Variants in TTC28 observed in about 807,000 individuals in gnomAD.
The protein encoded by TTC28 is tetratricopeptide repeat protein 28.
In TTC28, 61 loss-of-function variants were observed where a neutral mutation model predicts 198.0. That is an observed-to-expected ratio of 0.31 (90% CI 0.25 to 0.38). TTC28 has a LOEUF of 0.38. TTC28 is among the 10% of genes least tolerant of loss of function. The pLI, the probability that TTC28 is intolerant of heterozygous loss-of-function variation, is 1.00. For synonymous variants in TTC28, 1,171 were observed against 1,297.8 expected (o/e 0.90, Z 2.10); for missense variants, 2,678 against 3,164.0 (o/e 0.85, Z 3.69).
intron 2 of TTC28, among the ~76,000 whole-genome samples, chr22:28,348,399 G>A (rs2045943101): frequency 6.6e-6 from 1 of 152,292 alleles, no homozygotes; most frequent in South Asian, 2.1e-4. Context: ...GCCTACCTAG[G>A]ACGCCTCCAG....
At chr22:28,260,256 T>C (rs1412507449) in intron 5 of TTC28, among the ~76,000 whole-genome samples, 1 of 152,176 alleles carries the variant, frequency 6.6e-6, no homozygotes, top group Non-Finnish European at 1.5e-5. Context: ...TGTAATTTTG[T>C]ACTATAACAT....
chr22:28,064,177 A>T (rs1940662175), intron 12 of TTC28, among the ~76,000 whole-genome samples: 1 of 152,168 alleles, frequency 6.6e-6, no homozygotes, highest in South Asian at 2.1e-4. Context: ...TGAAATACTG[A>T]TGGTCATGTT....
chr22:28,549,584 A>C (rs772630693), intron 2 of TTC28, among the ~76,000 whole-genome samples: 2 of 152,244 alleles, frequency 1.3e-5, no homozygotes, highest in Non-Finnish European at 2.9e-5. Flanking sequence ...GTCTATCTTA[A>C]TTCTTTGGTA....
intron 2 of TTC28, among the ~76,000 whole-genome samples, chr22:28,586,951 G>C (rs1035217121): frequency 1.3e-5 from 2 of 152,160 alleles, no homozygotes; most frequent in Non-Finnish European, 2.9e-5. Context: ...TGGCAGGGTG[G>C]TAGCTCACGT....
intron 2 of TTC28, among the ~76,000 whole-genome samples, chr22:28,542,127 C>T (rs531638850): frequency 6.6e-6 from 1 of 151,938 alleles, no homozygotes; most frequent in South Asian, 2.1e-4. Context: ...GCTAGGATTA[C>T]AAGCATAAGC....
At chr22:28,320,006 T>G (rs996941386) in intron 2 of TTC28, among the ~76,000 whole-genome samples, 2 of 152,134 alleles carry the variant, frequency 1.3e-5, no homozygotes, top group Non-Finnish European at 2.9e-5. Flanking sequence ...TTTTCAACAG[T>G]TGGTGAGAAT....
intron 5 of TTC28, among the ~76,000 whole-genome samples, chr22:28,238,016 G>C (rs1179441443): frequency 6.6e-6 from 1 of 152,100 alleles, no homozygotes; most frequent in Non-Finnish European, 1.5e-5. Flanking sequence ...TTCTCTGGCT[G>C]TTCTTCAGAT....
chr22:28,088,731 AC>A (rs2146838805), intron 12 of TTC28, among the ~76,000 whole-genome samples: 1 of 152,354 alleles, frequency 6.6e-6, no homozygotes, highest in South Asian at 2.1e-4. Flanking sequence ...CAGCCAACCT[AC>A]AAAATGGGAA....
At chr22:28,502,856 T>TACAAGG (rs2048555934) in intron 2 of TTC28, among the ~76,000 whole-genome samples, 2 of 152,162 alleles carry the variant, frequency 1.3e-5, no homozygotes, top group Non-Finnish European at 1.5e-5. Flanking sequence ...CTATATATCT[T>TACAAGG]ATTAATAAAA....
chr22:28,556,078 G>C (rs114813000), intron 2 of TTC28, among the ~76,000 whole-genome samples: 1,758 of 151,774 alleles, frequency 0.012, 32 homozygotes, highest in African/African-American at 0.04. Flanking sequence ...CTATTTTTCA[G>C]CTGGGCACAG....
intron 2 of TTC28, among the ~76,000 whole-genome samples, chr22:28,385,361 T>C (rs1402019287): frequency 6.7e-6 from 1 of 150,318 alleles, no homozygotes; most frequent in East Asian, 2.0e-4. Flanking sequence ...GCCTCCCAAG[T>C]AGCTAGGATT....
intron 20 of TTC28, among the ~76,000 whole-genome samples, chr22:27,990,347 C>G (rs1308021910): frequency 6.6e-6 from 1 of 152,192 alleles, no homozygotes; most frequent in African/African-American, 2.4e-5. Context: ...CCACCTCCCA[C>G]TTTCTTAAGT....
chr22:28,290,752 T>C (rs886876058), intron 5 of TTC28, among the ~76,000 whole-genome samples: 1 of 151,900 alleles, frequency 6.6e-6, no homozygotes, highest in Non-Finnish European at 1.5e-5. Context: ...TCTACAAAAA[T>C]TTTTTTCAAA....
chr22:28,093,111 G>A (rs1052575183), intron 12 of TTC28, among the ~76,000 whole-genome samples: 1 of 152,148 alleles, frequency 6.6e-6, no homozygotes, highest in African/African-American at 2.4e-5. Flanking sequence ...TGGACTAGAT[G>A]ACTACTACAG....
intron 2 of TTC28, among the ~76,000 whole-genome samples, chr22:28,483,118 G>A (rs1242553058): frequency 6.6e-6 from 1 of 152,100 alleles, no homozygotes; most frequent in African/African-American, 2.4e-5. Context: ...AACTTTTTGA[G>A]GAATGGCCGA....
At chr22:28,347,268 G>C (rs1348119635) in intron 2 of TTC28, among the ~76,000 whole-genome samples, 1 of 122,370 alleles carries the variant, frequency 8.2e-6, no homozygotes, top group African/African-American at 2.9e-5. Flanking sequence ...TGTCTCAAAA[G>C]AGGAAAAAAA....
intron 12 of TTC28, among the ~76,000 whole-genome samples, chr22:28,038,020 G>A (rs919929553): frequency 2.0e-5 from 3 of 152,134 alleles, no homozygotes; most frequent in Admixed American, 6.5e-5. Flanking sequence ...AATAAAAGAG[G>A]ATACAAACAA....
intron 12 of TTC28, among the ~76,000 whole-genome samples, chr22:28,084,420 G>A (rs1398358039): frequency 1.3e-5 from 2 of 152,230 alleles, no homozygotes; most frequent in Non-Finnish European, 2.9e-5. Context: ...TGGACCTCCA[G>A]TAAACTCCAA....
chr22:28,543,321 G>C lies in TTC28; in HGVS notation c.381+86231C>G, dbSNP rs1338419485. On this transcript the variant is annotated intron_variant, in intron 2 of 22. Transcript: ENST00000397906. ...CCACTGTACTCCAGGCTGGACAACA[G>C]AGTAAGACTCTGTCTCAAAAAAGAA... 2.6e-5 allele frequency among the ~76,000 whole-genome samples: 4 copies of C among 151,908 alleles called. 1 individual carries two copies. The highest frequency in any genetic ancestry group is 2.6e-4 in the Admixed American group (4 of 15,210).
Sources: allele counts gnomAD v4.1 joint callset (sites outside exome capture counted in the v4.1 genomes callset), GRCh38; gene constraint gnomAD v4.1.1; transcripts MANE v1.5; gene names NCBI Gene and HGNC (gene_info 2026-07-23, HGNC 2026-07-21).